The following ROBO1 variants were observed in gnomAD, a reference collection of about 807,000 sequenced individuals.
ROBO1 encodes roundabout homolog 1.
In ROBO1, 149 loss-of-function variants were observed where a neutral mutation model predicts 195.9. The observed-to-expected ratio is 0.76, with a 90% confidence interval of 0.67 to 0.87. The LOEUF is 0.87. Ranked by LOEUF, ROBO1 falls within the 40% of genes least tolerant of loss-of-function variation. ROBO1 has a pLI of 0.00. For missense variants in ROBO1, 1,933 were observed against 2,068.3 expected, an observed-to-expected ratio of 0.93 and a Z score of 1.27; for synonymous variants, 816 against 733.2, an observed-to-expected ratio of 1.11 and a Z score of -1.82.
chr3:78,841,590 G>GCTTC (rs1684978226), intron 4 of ROBO1, among the ~76,000 whole-genome samples: 3 of 151,990 alleles, frequency 2.0e-5, no homozygotes, highest in Non-Finnish European at 2.9e-5. Flanking sequence ...CTGGGCATAG[G>GCTTC]GAAGGCCTTT....
intron 3 of ROBO1, among the ~76,000 whole-genome samples, chr3:78,946,852 A>G (rs1188770328): frequency 6.6e-6 from 1 of 152,194 alleles, no homozygotes; most frequent in Non-Finnish European, 1.5e-5. Flanking sequence ...TGGAAAACAA[A>G]AAAAGGCAGG....
chr3:78,916,415 G>C (rs529738017), intron 4 of ROBO1, among the ~76,000 whole-genome samples: 1 of 151,434 alleles, frequency 6.6e-6, no homozygotes, highest in East Asian at 2.0e-4. Context: ...AGCCAGGTGT[G>C]GGGGCGGGTG....
At chr3:78,918,483 T>C (rs923024466) in intron 4 of ROBO1, among the ~76,000 whole-genome samples, 3 of 152,152 alleles carry the variant, frequency 2.0e-5, no homozygotes, top group African/African-American at 7.2e-5. Context: ...AAATTAGTTA[T>C]ATGAATCATT....
intron 25 of ROBO1, among the ~76,000 whole-genome samples, 159 bp from the exon 26 acceptor site, chr3:78,627,728 G>A (rs928289327): frequency 6.6e-6 from 1 of 152,168 alleles, no homozygotes; most frequent in African/African-American, 2.4e-5. Context: ...CACAAGGTTT[G>A]TGAATTACTG....
At chr3:78,734,699 T>C (rs1365040910) in intron 5 of ROBO1, among the ~76,000 whole-genome samples, 1 of 151,974 alleles carries the variant, frequency 6.6e-6, no homozygotes, top group Non-Finnish European at 1.5e-5. Context: ...TAGGATAGCA[T>C]GTCAACATGG....
chr3:79,325,353 C>T (rs965823071), intron 2 of ROBO1, among the ~76,000 whole-genome samples: 1 of 152,090 alleles, frequency 6.6e-6, no homozygotes, highest in African/African-American at 2.4e-5. Context: ...TTCTTCACCC[C>T]TCAAAAAAGA....
intron 2 of ROBO1, among the ~76,000 whole-genome samples, chr3:79,430,500 G>T (rs1451677479): frequency 1.3e-5 from 2 of 151,958 alleles, no homozygotes; most frequent in Admixed American, 6.6e-5. Flanking sequence ...AGAAATGAAC[G>T]GTTGGGCCAC....
chr3:79,477,478 G>A (rs977079529), intron 2 of ROBO1, among the ~76,000 whole-genome samples: 4 of 152,020 alleles, frequency 2.6e-5, no homozygotes, highest in Admixed American at 6.6e-5. Context: ...TTTTTTATTA[G>A]GTGCAGATGA....
At chr3:78,931,144 A>G (rs2039499616) in intron 4 of ROBO1, among the ~76,000 whole-genome samples, 1 of 151,922 alleles carries the variant, frequency 6.6e-6, no homozygotes, top group African/African-American at 2.4e-5. Flanking sequence ...TTAAAAAAAA[A>G]TCACTTTTTT....
At chr3:79,178,039 T>C (rs2081284759) in intron 2 of ROBO1, among the ~76,000 whole-genome samples, 1 of 152,210 alleles carries the variant, frequency 6.6e-6, no homozygotes, top group South Asian at 2.1e-4. Flanking sequence ...AATAAATCAT[T>C]ACTAAAAATT....
intron 3 of ROBO1, among the ~76,000 whole-genome samples, chr3:79,047,105 A>T (rs1325917312): frequency 6.6e-6 from 1 of 152,048 alleles, no homozygotes; most frequent in East Asian, 1.9e-4. Flanking sequence ...CAGACTTAGA[A>T]ATCTGGACGT....
At chr3:79,046,755 T>C (rs545905490) in intron 3 of ROBO1, among the ~76,000 whole-genome samples, 4 of 152,124 alleles carry the variant, frequency 2.6e-5, no homozygotes, top group Non-Finnish European at 5.9e-5. Context: ...TGGGTGGATC[T>C]GATTTCCCCA....
At chr3:79,257,538 G>A (rs2082857766) in intron 2 of ROBO1, among the ~76,000 whole-genome samples, 1 of 152,102 alleles carries the variant, frequency 6.6e-6, no homozygotes, top group South Asian at 2.1e-4. Context: ...GTACAAGTGT[G>A]GTTGGCCTGG....
intron 1 of ROBO1, among the ~76,000 whole-genome samples, chr3:79,605,294 T>G (rs151129630): frequency 1.3e-5 from 2 of 151,654 alleles, no homozygotes; most frequent in African/African-American, 4.8e-5. Flanking sequence ...TAAATATTGG[T>G]CTGTAAAGCG....
chr3:79,660,418 G>T (rs2106822001), intron 1 of ROBO1, among the ~76,000 whole-genome samples: 1 of 152,238 alleles, frequency 6.6e-6, no homozygotes, highest in Middle Eastern at 3.4e-3. Context: ...AGCAAGGAGT[G>T]AAAACAGGAG....
chr3:78,970,228 A>C (rs538357578), intron 3 of ROBO1, among the ~76,000 whole-genome samples: 27 of 152,208 alleles, frequency 1.8e-4, no homozygotes, highest in Non-Finnish European at 3.1e-4. Context: ...AGCACTGATG[A>C]TTCTGTAGGA....
intron 2 of ROBO1, among the ~76,000 whole-genome samples, chr3:79,552,583 G>A (rs1044229989): frequency 1.3e-5 from 2 of 152,160 alleles, no homozygotes; most frequent in African/African-American, 2.4e-5. Flanking sequence ...TCTAATGTGC[G>A]AAGTATAACC....
At chr3:78,843,402 AAGG>A (rs1409284977) in intron 4 of ROBO1, among the ~76,000 whole-genome samples, 1 of 152,064 alleles carries the variant, frequency 6.6e-6, no homozygotes, top group Non-Finnish European at 1.5e-5. Flanking sequence ...AAAGACTGTT[AAGG>A]AGGAGTGAAA....
chr3:78,863,312 C>CATCCACTGAAACT (rs2034965825), intron 4 of ROBO1, among the ~76,000 whole-genome samples: 1 of 152,142 alleles, frequency 6.6e-6, no homozygotes, highest in Non-Finnish European at 1.5e-5. Context: ...ACTCTATGAG[C>CATCCACTGAAACT]CTATGACATC....
Sources: gnomAD v4.1 joint callset for allele counts (sites outside exome capture counted in the v4.1 genomes callset) on GRCh38, gnomAD v4.1.1 for gene constraint, MANE v1.5 for transcripts, NCBI Gene and HGNC (gene_info 2026-07-23, HGNC 2026-07-21) for gene names.